The following KCNMB2 variants were observed in gnomAD, a reference collection of about 807,000 sequenced individuals.
KCNMB2 encodes the protein potassium calcium-activated channel subfamily M regulatory beta subunit 2.
In KCNMB2, 9 loss-of-function variants were observed where a neutral mutation model predicts 24.5. That is an observed-to-expected ratio of 0.37 (90% CI 0.22 to 0.64). The LOEUF is 0.64. KCNMB2 is among the 30% of genes least tolerant of loss of function. The pLI is 0.63. For synonymous variants in KCNMB2, 109 were observed against 104.4 expected, an observed-to-expected ratio of 1.04 and a Z score of -0.27; for missense variants, 226 against 284.3, an observed-to-expected ratio of 0.79 and a Z score of 1.47.
chr3:178,575,734 T>TA (rs1201079184), intron 1 of KCNMB2, among the ~76,000 whole-genome samples: 1 of 152,080 alleles, frequency 6.6e-6, no homozygotes, highest in South Asian at 2.1e-4. Flanking sequence ...TTGTGAGTAA[T>TA]AAAAAAATGC....
chr3:178,564,902 G>T lies in KCNMB2; in HGVS notation c.-68+28191G>T, dbSNP rs1320834356. 5.3e-5 allele frequency among the ~76,000 whole-genome samples: 8 copies of T among 151,924 alleles called. No homozygotes were observed. The East Asian group carries it at 1.5e-3, about 29-fold the overall frequency. ...GCATTATTTGTAATATTAAAATTTTGGAGGCAACCTAACAGTTATTTGGTG... is the reference window on the plus strand; with the variant it reads ...GCATTATTTGTAATATTAAAATTTTTGAGGCAACCTAACAGTTATTTGGTG... On this transcript the variant is annotated intron_variant, in intron 1 of 4. Coordinates refer to ENST00000452583, the MANE Select transcript of KCNMB2 (RefSeq NM_181361.3).
At chr3:178,724,287 C>T (rs894918980) in intron 1 of KCNMB2, among the ~76,000 whole-genome samples, 7 of 152,012 alleles carry the variant, frequency 4.6e-5, no homozygotes, top group African/African-American at 1.2e-4. Flanking sequence ...ACATGTTTGT[C>T]GGCCACTGGT....
At chr3:178,638,023 A>C (rs1207482682) in intron 1 of KCNMB2, among the ~76,000 whole-genome samples, 1 of 152,120 alleles carries the variant, frequency 6.6e-6, no homozygotes. Context: ...AACAGGGCTC[A>C]ATCCTGCTGA....
At chr3:178,752,571 T>C (rs1234631338) in intron 1 of KCNMB2, among the ~76,000 whole-genome samples, 8 of 152,170 alleles carry the variant, frequency 5.3e-5, no homozygotes, top group African/African-American at 1.9e-4. Flanking sequence ...ATACCAGATG[T>C]GCATTTCATA....
chr3:178,787,879 T>G (rs949790620), intron 1 of KCNMB2, among the ~76,000 whole-genome samples: 1 of 152,204 alleles, frequency 6.6e-6, no homozygotes, highest in Non-Finnish European at 1.5e-5. Flanking sequence ...AAATTTTATC[T>G]TCACCAATGA....
At chr3:178,710,521 G>A (rs1207395457) in intron 1 of KCNMB2, among the ~76,000 whole-genome samples, 1 of 152,098 alleles carries the variant, frequency 6.6e-6, no homozygotes, top group Non-Finnish European at 1.5e-5. Flanking sequence ...AACCAAACTT[G>A]TGTTTCTCCT....
intron 1 of KCNMB2, among the ~76,000 whole-genome samples, chr3:178,770,040 T>C (rs532145829): frequency 5.3e-5 from 8 of 152,334 alleles, no homozygotes; most frequent in African/African-American, 1.4e-4. Flanking sequence ...AATAGGATGA[T>C]AGAACAACAG....
At chr3:178,807,923 ATAAT>A (rs1213210148) in intron 2 of KCNMB2, among the ~76,000 whole-genome samples, 3 of 151,436 alleles carry the variant, frequency 2.0e-5, no homozygotes, top group Non-Finnish European at 4.4e-5. Flanking sequence ...AAAATATAAT[ATAAT>A]TAATAAAATA....
At chr3:178,793,182 G>A (rs1470626131) in intron 1 of KCNMB2, among the ~76,000 whole-genome samples, 2 of 152,148 alleles carry the variant, frequency 1.3e-5, no homozygotes, top group African/African-American at 4.8e-5. Context: ...TTCAGCTATG[G>A]AATCAAACAT....
At chr3:178,661,792 A>C (rs1229525631) in intron 1 of KCNMB2, among the ~76,000 whole-genome samples, 2 of 152,226 alleles carry the variant, frequency 1.3e-5, no homozygotes, top group African/African-American at 4.8e-5. Context: ...CAGAAGAGTC[A>C]TACACACATT....
chr3:178,778,468 A>ACACC (rs1712685156), intron 1 of KCNMB2, among the ~76,000 whole-genome samples: 1 of 64,998 alleles, frequency 1.5e-5, no homozygotes, highest in Non-Finnish European at 3.6e-5. Flanking sequence ...ACACACACAC[A>ACACC]CACACACACA....
At chr3:178,555,201 G>A (rs996201367) in intron 1 of KCNMB2, among the ~76,000 whole-genome samples, 1 of 152,134 alleles carries the variant, frequency 6.6e-6, no homozygotes, top group Non-Finnish European at 1.5e-5. Context: ...AAGAAAGACT[G>A]AACAGAACAT....
At chr3:178,559,854 T>C (rs906267899) in intron 1 of KCNMB2, among the ~76,000 whole-genome samples, 4 of 150,300 alleles carry the variant, frequency 2.7e-5, no homozygotes, top group Non-Finnish European at 4.4e-5. Context: ...ATAATTTATT[T>C]TTTCAGACTA....
At chr3:178,588,260 T>C (rs559791042) in intron 1 of KCNMB2, among the ~76,000 whole-genome samples, 21 of 152,196 alleles carry the variant, frequency 1.4e-4, no homozygotes, top group Non-Finnish European at 3.1e-4. Context: ...AAGGCCTCAT[T>C]CCAATCAGAG....
At chr3:178,641,515 A>T (rs955891629) in intron 1 of KCNMB2, among the ~76,000 whole-genome samples, 2 of 152,106 alleles carry the variant, frequency 1.3e-5, no homozygotes, top group African/African-American at 4.8e-5. Context: ...TTTATATATT[A>T]ACCTTTTGTT....
chr3:178,620,314 T>C (rs1718862369), intron 1 of KCNMB2, among the ~76,000 whole-genome samples: 1 of 152,052 alleles, frequency 6.6e-6, no homozygotes, highest in African/African-American at 2.4e-5. Context: ...AATTTTTATA[T>C]GCAGATTTTA....
chr3:178,819,793 C>T (rs1234290413), intron 2 of KCNMB2, among the ~76,000 whole-genome samples: 2 of 152,064 alleles, frequency 1.3e-5, no homozygotes, highest in East Asian at 3.9e-4. Context: ...AGCAAAACAG[C>T]CAGTGACTCT....
intron 1 of KCNMB2, among the ~76,000 whole-genome samples, chr3:178,650,215 T>G (rs908487937): frequency 6.6e-6 from 1 of 152,204 alleles, no homozygotes; most frequent in Non-Finnish European, 1.5e-5. Context: ...AGACTGTTTG[T>G]TATGATTTCC....
At chr3:178,694,409 G>T (rs6795082) in intron 1 of KCNMB2, among the ~76,000 whole-genome samples, 109,128 of 152,048 alleles carry the variant, frequency 0.72, 39,725 homozygotes, top group African/African-American at 0.87. Context: ...CAAAACACAA[G>T]TATGCCCTTC....
Sources: allele counts gnomAD v4.1 joint callset (sites outside exome capture counted in the v4.1 genomes callset), GRCh38; gene constraint gnomAD v4.1.1; transcripts MANE v1.5; gene names NCBI Gene and HGNC (gene_info 2026-07-23, HGNC 2026-07-21).